The following FGF14 variants were observed in gnomAD, a reference collection of about 807,000 sequenced individuals.
FGF14 encodes fibroblast growth factor 14.
FGF14 carries 5 observed loss-of-function variants against 25.5 expected under a neutral mutation model. The ratio of observed to expected loss-of-function variants is 0.20; its 90% CI spans 0.10 to 0.41. FGF14 has a LOEUF of 0.41. Among genes scored for constraint, FGF14 ranks in the 10% least tolerant of loss-of-function variants. FGF14 has a pLI of 1.00. For synonymous variants in FGF14, 138 were observed against 118.3 expected (o/e 1.17, Z -1.08); for missense variants, 222 against 320.1 (o/e 0.69, Z 2.34).
At position 101,916,932 on chromosome 13, in the gene FGF14, G is replaced by A. The variant is rs1182321797; in HGVS notation, c.-287C>T. On this transcript the variant is annotated 5_prime_UTR_variant, in exon 1 of 5. Transcript: ENST00000376143. ...GCTTGGCCACGTCCGAGTGGAGAGCGGGACCGCGGCTGCGGGCGCTGCTGG... is the reference window on the plus strand; with the variant it reads ...GCTTGGCCACGTCCGAGTGGAGAGCAGGACCGCGGCTGCGGGCGCTGCTGG... Among the ~76,000 whole-genome samples, 2 of 151,954 alleles carry A rather than the reference G, an allele frequency of 1.3e-5. No individual in the cohort carries two copies. The highest frequency in any genetic ancestry group is 2.9e-5 in the Non-Finnish European group (2 of 67,932).
chr13:102,335,740 T>C (rs1332476911), intron 1 of FGF14, among the ~76,000 whole-genome samples: 4 of 152,096 alleles, frequency 2.6e-5, no homozygotes, highest in Non-Finnish European at 4.4e-5. Context: ...TTGTGGACTC[T>C]GTGTTGCACC....
chr13:102,157,334 A>G (rs1426254451), intron 1 of FGF14, among the ~76,000 whole-genome samples: 3 of 152,204 alleles, frequency 2.0e-5, no homozygotes, highest in African/African-American at 7.2e-5. Flanking sequence ...AACAGAACAG[A>G]GGCCTCAGAA....
At chr13:101,757,119 A>T (rs149574969) in intron 3 of FGF14, among the ~76,000 whole-genome samples, 1 of 152,326 alleles carries the variant, frequency 6.6e-6, no homozygotes, top group East Asian at 1.9e-4. Flanking sequence ...TATGGTGTTC[A>T]ACATTAATTT....
At chr13:102,288,125 T>C (rs1294619171) in intron 1 of FGF14, among the ~76,000 whole-genome samples, 2 of 152,222 alleles carry the variant, frequency 1.3e-5, no homozygotes, top group Non-Finnish European at 2.9e-5. Context: ...TTTGAAACAA[T>C]GACTTCATTT....
chr13:101,845,910 A>C (rs1021429648), intron 3 of FGF14, among the ~76,000 whole-genome samples: 4 of 152,028 alleles, frequency 2.6e-5, no homozygotes, highest in Non-Finnish European at 5.9e-5. Context: ...GCATATAACT[A>C]TAGTCATATG....
At chr13:101,789,124 T>C (rs2040083854) in intron 3 of FGF14, among the ~76,000 whole-genome samples, 1 of 151,882 alleles carries the variant, frequency 6.6e-6, no homozygotes, top group African/African-American at 2.4e-5. Context: ...AGAGCTTCTA[T>C]TTCTCTTTCA....
intron 1 of FGF14, among the ~76,000 whole-genome samples, chr13:102,326,779 AAAAG>A (rs2056467218): frequency 6.7e-6 from 1 of 149,302 alleles, no homozygotes; most frequent in Non-Finnish European, 1.5e-5. Context: ...AGGAAGAAAA[AAAAG>A]GAAGGAAGGA....
intron 1 of FGF14, among the ~76,000 whole-genome samples, chr13:102,179,443 A>G (rs1337373304): frequency 1.3e-5 from 2 of 152,134 alleles, no homozygotes; most frequent in Non-Finnish European, 2.9e-5. Context: ...TGTGAGCCCT[A>G]GGCCTGCACA....
rs1389141789 is a variant in FGF14, at chr13:101,850,286, A to C, written c.408+18439T>G. Among the ~76,000 whole-genome samples the C allele has an allele frequency of 9.0e-4, 102 of 112,884 alleles. 8 individuals carry two copies. The highest frequency in any genetic ancestry group is 3.3e-3 in the African/African-American group (87 of 26,484). The allele number at this position is 112,884 out of a possible 152,430, so 74.1% of individuals were successfully genotyped here. Reference sequence around the variant, plus strand: ...CTGCCTCTACTAAAAATCCAAAAAAAAAAAAAAAAAAAAAAAAAATAGCCG... The same window carrying C: ...CTGCCTCTACTAAAAATCCAAAAAACAAAAAAAAAAAAAAAAAAATAGCCG... On this transcript the variant is annotated intron_variant, in intron 3 of 4. Coordinates refer to ENST00000376143, the MANE Select transcript of FGF14 (RefSeq NM_004115.4).
At chr13:102,395,389 T>G (rs986011965) in intron 1 of FGF14, 61 of 152,296 alleles carry the variant, frequency 4.0e-4, no homozygotes, top group African/African-American at 1.4e-3. Context: ...GCTTTTGAGC[T>G]TGTGTATTTT....
chr13:101,982,569 A>G (rs942573146), intron 1 of FGF14, among the ~76,000 whole-genome samples: 1 of 152,218 alleles, frequency 6.6e-6, no homozygotes, highest in Non-Finnish European at 1.5e-5. Context: ...TTCTTTATAA[A>G]ATAGATCACA....
rs1440645006 is a variant in FGF14 at position 102,029,921 on chromosome 13, G to A, written c.209-154625C>T. ...AGTGCAGGATGCTAAGAATATAGGA[G>A]GAAGCAATAGAGAAATGATTGTTCT... On this transcript the variant is annotated intron_variant, in intron 1 of 4. Coordinates refer to the FGF14 transcript ENST00000376131. Among the ~76,000 whole-genome samples the A allele has an allele frequency of 2.0e-5, 3 of 152,032 alleles. No homozygotes were observed. In the East Asian group the frequency reaches 5.8e-4, roughly 29 times the overall value.
At chr13:102,073,927 TA>T (rs750650929) in intron 1 of FGF14, among the ~76,000 whole-genome samples, 1 of 152,198 alleles carries the variant, frequency 6.6e-6, no homozygotes, top group East Asian at 1.9e-4. Flanking sequence ...TCATTCTCAA[TA>T]CCAGGCATAT....
intron 1 of FGF14, among the ~76,000 whole-genome samples, chr13:102,329,935 A>C (rs2056582855): frequency 6.6e-6 from 1 of 151,980 alleles, no homozygotes; most frequent in African/African-American, 2.4e-5. Context: ...TTTAAACCTA[A>C]ATTTTCACCA....
rs566220994 is a variant in FGF14 at position 102,126,667 on chromosome 13, C to T, written c.209-251371G>A. Among the ~76,000 whole-genome samples the T allele has an allele frequency of 6.6e-5, 10 of 152,254 alleles. No individual in the cohort carries two copies. The South Asian group carries it at 2.1e-3, about 32-fold the overall frequency. ...GTTTTAAAACATATTTGCAACCATA[C>T]TTCAATTTTATATCACAATTTAATA... On this transcript the variant is annotated intron_variant, in intron 1 of 4. Coordinates refer to the FGF14 transcript ENST00000376131.
At chr13:101,876,761 A>G (rs903342175) in intron 1 of FGF14, among the ~76,000 whole-genome samples, 6 of 152,144 alleles carry the variant, frequency 3.9e-5, no homozygotes, top group African/African-American at 1.4e-4. Flanking sequence ...GTAGTATATA[A>G]CTTCCCAAAT....
chr13:101,907,970 T>C (rs2032451882), intron 1 of FGF14, among the ~76,000 whole-genome samples: 2 of 152,116 alleles, frequency 1.3e-5, no homozygotes, highest in African/African-American at 4.8e-5. Flanking sequence ...GATCTGCAGA[T>C]AGACTTATAA....
At position 102,086,407 on chromosome 13, in the gene FGF14, G is replaced by A. The variant is rs532316760; in HGVS notation, c.209-211111C>T. ...TAGCCGGGCGTGGTGGCGGGCGCAT[G>A]TAGTCCCAGCTACTCGGGAGGCTGA... On this transcript the variant is annotated intron_variant, in intron 1 of 4. Coordinates refer to the FGF14 transcript ENST00000376131. Among the ~76,000 whole-genome samples the A allele has an allele frequency of 3.5e-3, 525 of 152,158 alleles. 1 individual carries two copies. The highest frequency in any genetic ancestry group is 0.012 in the African/African-American group (497 of 41,512).
At chr13:102,379,580 G>A (rs2058132600) in intron 1 of FGF14, among the ~76,000 whole-genome samples, 1 of 151,806 alleles carries the variant, frequency 6.6e-6, no homozygotes, top group Non-Finnish European at 1.5e-5. Flanking sequence ...GAGAAAGAGA[G>A]ATAGTTCAGT....
Sources: gnomAD v4.1 joint callset for allele counts (sites outside exome capture counted in the v4.1 genomes callset) on GRCh38, gnomAD v4.1.1 for gene constraint, MANE v1.5 for transcripts, NCBI Gene and HGNC (gene_info 2026-07-23, HGNC 2026-07-21) for gene names.